Variants in NTM observed in about 807,000 individuals in gnomAD.
NTM encodes the protein neurotrimin.
A neutral mutation model predicts 42.1 loss-of-function variants in NTM; 13 were observed. The observed-to-expected ratio is 0.31, with a 90% confidence interval of 0.20 to 0.49. The LOEUF (loss-of-function observed/expected upper bound fraction) is 0.49, where lower values mean the gene tolerates loss of function less well. Among genes scored for constraint, NTM ranks in the 20% least tolerant of loss-of-function variants. The probability of loss-of-function intolerance (pLI) is 0.99; values close to 1 mark genes in which losing one functional copy is unlikely to be tolerated. For synonymous variants in NTM, 187 were observed against 179.2 expected (o/e 1.04, Z -0.35); for missense variants, 373 against 452.8 (o/e 0.82, Z 1.60).
intron 1 of NTM, among the ~76,000 whole-genome samples, chr11:131,528,854 A>T (rs931390404): frequency 6.6e-6 from 1 of 152,158 alleles, no homozygotes; most frequent in Non-Finnish European, 1.5e-5. Context: ...AGCACACTTG[A>T]TGTTTAGACA....
chr11:132,036,620 G>GC (rs1407345776), intron 2 of NTM, among the ~76,000 whole-genome samples: 1 of 152,056 alleles, frequency 6.6e-6, no homozygotes, highest in Non-Finnish European at 1.5e-5. Context: ...ACAGAGCTTG[G>GC]CCCCCTCCAC....
intron 1 of NTM, among the ~76,000 whole-genome samples, chr11:131,848,108 C>T (rs1218786228): frequency 2.0e-5 from 3 of 152,066 alleles, no homozygotes; most frequent in Non-Finnish European, 2.9e-5. Context: ...TGGTGTATCA[C>T]TAAATGGAAT....
At chr11:132,287,036 T>C (rs571778885) in intron 4 of NTM, among the ~76,000 whole-genome samples, 38 of 152,270 alleles carry the variant, frequency 2.5e-4, no homozygotes, top group African/African-American at 8.9e-4. Context: ...TCCTCCTTAG[T>C]GTGTATTTAT....
intron 1 of NTM, among the ~76,000 whole-genome samples, chr11:131,420,043 C>T (rs939343956): frequency 4.6e-5 from 7 of 152,130 alleles, no homozygotes; most frequent in African/African-American, 1.7e-4. Context: ...AGCAATTGCT[C>T]AATGGCGTTT....
rs145754401 is a variant in NTM, at chr11:131,594,916, C to T, written c.82+224028C>T. ...ACATCCCTACTCAGCCACTCAGTAG[C>T]CATGTGTCTTTAAGCCACTTGCTCA... On this transcript the variant is annotated intron_variant, in intron 1 of 8. Coordinates refer to ENST00000683400, the MANE Select transcript of NTM (RefSeq NM_001352005.2). Among the ~76,000 whole-genome samples the T allele has an allele frequency of 2.0e-5, 3 of 152,288 alleles. No homozygotes were observed. The East Asian group carries it at 5.8e-4, about 29-fold the overall frequency.
intron 1 of NTM, among the ~76,000 whole-genome samples, chr11:131,528,588 G>T (rs898619250): frequency 6.6e-6 from 1 of 152,186 alleles, no homozygotes; most frequent in Non-Finnish European, 1.5e-5. Context: ...TGTGTTTGTT[G>T]AATGAATGTT....
chr11:131,633,505 T>C (rs2063874094), intron 1 of NTM, among the ~76,000 whole-genome samples: 1 of 152,188 alleles, frequency 6.6e-6, no homozygotes, highest in African/African-American at 2.4e-5. Context: ...TCCTTTTCAC[T>C]GTTTGAATCA....
chr11:131,547,505 G>A (rs866996400), intron 1 of NTM, among the ~76,000 whole-genome samples: 4 of 152,110 alleles, frequency 2.6e-5, no homozygotes, highest in Non-Finnish European at 4.4e-5. Context: ...GTGGGATGGC[G>A]TTCAGTGAAA....
intron 1 of NTM, among the ~76,000 whole-genome samples, chr11:131,377,605 G>A (rs1299842464): frequency 1.3e-5 from 2 of 152,138 alleles, no homozygotes; most frequent in Non-Finnish European, 2.9e-5. Flanking sequence ...AGAGTTCCTG[G>A]AATAATACAA....
chr11:131,776,942 G>C (rs1455367842), intron 1 of NTM: 1 of 155,116 alleles, frequency 6.4e-6, no homozygotes, highest in South Asian at 2.0e-4. Context: ...CTTAGTAAAG[G>C]CTATACCAAT....
intron 2 of NTM, among the ~76,000 whole-genome samples, chr11:131,934,660 G>T (rs1026904246): frequency 6.6e-6 from 1 of 152,110 alleles, no homozygotes. Flanking sequence ...GTGGCTGGTG[G>T]GCTAGTGGAT....
chr11:131,744,428 C>G (rs569269871), intron 1 of NTM, among the ~76,000 whole-genome samples: 120 of 152,174 alleles, frequency 7.9e-4, no homozygotes, highest in African/African-American at 2.2e-3. Flanking sequence ...CTCCTTCCTA[C>G]TCAAGTTAAT....
At chr11:131,734,620 G>A (rs187685599) in intron 1 of NTM, among the ~76,000 whole-genome samples, 33 of 152,208 alleles carry the variant, frequency 2.2e-4, no homozygotes, top group African/African-American at 6.7e-4. Flanking sequence ...TGCTCGTATC[G>A]CCCTATGTCC....
intron 1 of NTM, among the ~76,000 whole-genome samples, chr11:131,397,660 C>T (rs575390538): frequency 7.9e-5 from 12 of 152,194 alleles, no homozygotes; most frequent in Admixed American, 6.5e-5. Context: ...GACTAGCAAC[C>T]TCCTTTCCTG....
At chr11:131,818,102 G>A (rs1257339784) in intron 1 of NTM, among the ~76,000 whole-genome samples, 1 of 152,190 alleles carries the variant, frequency 6.6e-6, no homozygotes, top group Non-Finnish European at 1.5e-5. Context: ...AGGAGTCTGG[G>A]AGGGACAATA....
At chr11:132,307,988 T>C (rs1429367729) in intron 5 of NTM, among the ~76,000 whole-genome samples, 165 bp downstream of exon 5, 1 of 152,170 alleles carries the variant, frequency 6.6e-6, no homozygotes. Context: ...CAAACTCGAG[T>C]TTTTGACACT....
chr11:131,804,019 C>T (rs1241901933), intron 1 of NTM, among the ~76,000 whole-genome samples: 1 of 152,254 alleles, frequency 6.6e-6, no homozygotes, highest in Admixed American at 6.5e-5. Flanking sequence ...GTATTACCAG[C>T]TCTGTCTTCC....
intron 1 of NTM, among the ~76,000 whole-genome samples, chr11:131,592,493 C>T (rs1339163400): frequency 6.7e-6 from 1 of 148,576 alleles, no homozygotes; most frequent in Non-Finnish European, 1.5e-5. Flanking sequence ...ATTTAAAATG[C>T]CTTACAAAGC....
At chr11:131,556,253 A>G (rs2055396012) in intron 1 of NTM, among the ~76,000 whole-genome samples, 1 of 152,192 alleles carries the variant, frequency 6.6e-6, no homozygotes, top group African/African-American at 2.4e-5. Flanking sequence ...TTATAACTGG[A>G]AGTTACAACT....
Sources: gnomAD v4.1 joint callset for allele counts (sites outside exome capture counted in the v4.1 genomes callset) on GRCh38, gnomAD v4.1.1 for gene constraint, MANE v1.5 for transcripts, NCBI Gene and HGNC (gene_info 2026-07-23, HGNC 2026-07-21) for gene names.